AKAP6: variants seen among roughly 807,000 people sequenced by gnomAD.
The protein encoded by AKAP6 is A-kinase anchor protein 6.
AKAP6 carries 58 observed loss-of-function variants against 188.5 expected under a neutral mutation model. The observed-to-expected ratio is 0.31, with a 90% CI of 0.25 to 0.38. The LOEUF is 0.38. AKAP6 is among the 10% of genes least tolerant of loss of function. AKAP6 has a pLI of 1.00. For synonymous variants in AKAP6, 989 were observed against 998.6 expected, an observed-to-expected ratio of 0.99 and a Z score of 0.18; for missense variants, 2,710 against 2,740.0, an observed-to-expected ratio of 0.99 and a Z score of 0.24.
chr14:32,470,579 C>T (rs762651917), intron 2 of AKAP6, among the ~76,000 whole-genome samples: 1 of 152,118 alleles, frequency 6.6e-6, no homozygotes, highest in Non-Finnish European at 1.5e-5. Context: ...AATCAGGGAG[C>T]CATTTAAAGC....
intron 2 of AKAP6, among the ~76,000 whole-genome samples, chr14:32,443,899 C>G (rs542949326): frequency 6.6e-6 from 1 of 152,204 alleles, no homozygotes; most frequent in South Asian, 2.1e-4. Flanking sequence ...CCTTATGTGG[C>G]TATTTTACAT....
At chr14:32,402,734 T>C (rs994785354) in intron 1 of AKAP6, among the ~76,000 whole-genome samples, 2 of 152,216 alleles carry the variant, frequency 1.3e-5, no homozygotes, top group Admixed American at 6.5e-5. Context: ...GGTTGATTTT[T>C]TTTTTTTTTC....
chr14:32,732,322 G>T, intron 9 of AKAP6, 132 bp from the exon 10 acceptor site: 2 of 874,270 alleles, frequency 2.3e-6, no homozygotes, highest in Non-Finnish European at 3.4e-6. Context: ...AAGTACTTAG[G>T]TTTAGCCTCC....
intron 9 of AKAP6, among the ~76,000 whole-genome samples, chr14:32,723,037 A>G (rs1204463060): frequency 6.6e-6 from 1 of 152,186 alleles, no homozygotes; most frequent in Non-Finnish European, 1.5e-5. Flanking sequence ...TGACACCCAA[A>G]GTCACTTGCC....
At chr14:32,718,201 T>G in intron 9 of AKAP6, 16 of 788,974 alleles carry the variant, frequency 2.0e-5, no homozygotes, top group Non-Finnish European at 2.5e-5. Context: ...CAATTTTTTA[T>G]CTGTAAGACA....
At chr14:32,655,461 A>G (rs952251549) in intron 7 of AKAP6, among the ~76,000 whole-genome samples, 9 of 152,194 alleles carry the variant, frequency 5.9e-5, no homozygotes, top group African/African-American at 2.2e-4. Flanking sequence ...GCAGGGTCCT[A>G]AATATATTGG....
chr14:32,482,416 A>G (rs1879401338), intron 2 of AKAP6, among the ~76,000 whole-genome samples: 1 of 152,164 alleles, frequency 6.6e-6, no homozygotes, highest in Non-Finnish European at 1.5e-5. Flanking sequence ...TACTTCCCCC[A>G]GATACCCTCC....
intron 4 of AKAP6, among the ~76,000 whole-genome samples, chr14:32,569,754 AG>A (rs772628100): frequency 6.6e-6 from 1 of 152,186 alleles, no homozygotes; most frequent in Non-Finnish European, 1.5e-5. Context: ...TTTCTAAAAA[AG>A]GTTCTAATTT....
At chr14:32,453,620 G>A (rs1319257348) in intron 2 of AKAP6, among the ~76,000 whole-genome samples, 1 of 61,192 alleles carries the variant, frequency 1.6e-5, no homozygotes, top group East Asian at 6.1e-4. Flanking sequence ...TTTTTGAGAC[G>A]GAGTCTCGTT....
intron 11 of AKAP6, among the ~76,000 whole-genome samples, chr14:32,738,194 C>T (rs114307230): frequency 1.8e-3 from 281 of 152,218 alleles, no homozygotes; most frequent in African/African-American, 5.7e-3. Context: ...GTGTGTGCAG[C>T]TTCAATGCCA....
chr14:32,829,439 T>A (rs1442398223), intron 13 of AKAP6, among the ~76,000 whole-genome samples: 1 of 152,212 alleles, frequency 6.6e-6, no homozygotes, highest in Non-Finnish European at 1.5e-5. Context: ...GTCTGTGGAA[T>A]CATTGTACAT....
At chr14:32,411,010 A>G (rs1889465797) in intron 1 of AKAP6, among the ~76,000 whole-genome samples, 1 of 152,342 alleles carries the variant, frequency 6.6e-6, no homozygotes, top group South Asian at 2.1e-4. Flanking sequence ...AACTCTGAGT[A>G]TATGAGAGGG....
At chr14:32,479,218 C>T (rs1348427130) in intron 2 of AKAP6, among the ~76,000 whole-genome samples, 1 of 152,066 alleles carries the variant, frequency 6.6e-6, no homozygotes, top group Admixed American at 6.6e-5. Flanking sequence ...TAAAAATAAT[C>T]AGTGGACCAC....
At chr14:32,636,627 A>G (rs1450339897) in intron 7 of AKAP6, among the ~76,000 whole-genome samples, 2 of 152,122 alleles carry the variant, frequency 1.3e-5, no homozygotes, top group Non-Finnish European at 2.9e-5. Context: ...TGGGAATCAC[A>G]TAGCTTTCTG....
At chr14:32,710,282 G>A (rs1890989453) in intron 9 of AKAP6, among the ~76,000 whole-genome samples, 1 of 151,696 alleles carries the variant, frequency 6.6e-6, no homozygotes, top group Non-Finnish European at 1.5e-5. Flanking sequence ...ATGTCGGAGT[G>A]AGCATTGTGT....
At chr14:32,516,760 T>TACATG (rs1317477386) in intron 2 of AKAP6, among the ~76,000 whole-genome samples, 6 of 152,192 alleles carry the variant, frequency 3.9e-5, no homozygotes, top group African/African-American at 1.4e-4. Flanking sequence ...AGGTGTTTTA[T>TACATG]TTTTCAATAC....
intron 4 of AKAP6, among the ~76,000 whole-genome samples, chr14:32,553,574 T>C (rs1385010086): frequency 1.3e-5 from 2 of 152,214 alleles, no homozygotes; most frequent in Non-Finnish European, 2.9e-5. Context: ...CCTCTCATCC[T>C]TATCACTCCA....
chr14:32,758,663 G>C (rs528661986), intron 11 of AKAP6, among the ~76,000 whole-genome samples: 1 of 152,064 alleles, frequency 6.6e-6, no homozygotes, highest in Admixed American at 6.5e-5. Context: ...AACCCAGGAG[G>C]AGAAGGATGC....
At chr14:32,790,250 G>A (rs1348668802) in intron 12 of AKAP6, among the ~76,000 whole-genome samples, 2 of 152,090 alleles carry the variant, frequency 1.3e-5, no homozygotes, top group Non-Finnish European at 2.9e-5. Flanking sequence ...AACTGATTGG[G>A]GTACTTGAAA....
Sources: allele counts gnomAD v4.1 joint callset (sites outside exome capture counted in the v4.1 genomes callset), GRCh38; gene constraint gnomAD v4.1.1; transcripts MANE v1.5; gene names NCBI Gene and HGNC (gene_info 2026-07-23, HGNC 2026-07-21).